GRID2IP: variants seen among roughly 807,000 people sequenced by gnomAD.
GRID2IP encodes the protein Grid2 interacting protein, also known as delphilin.
In GRID2IP, 78 loss-of-function variants were observed where a neutral mutation model predicts 114.3. The observed-to-expected ratio is 0.68, with a 90% confidence interval of 0.57 to 0.82. GRID2IP has a LOEUF of 0.82. Among genes scored for constraint, GRID2IP ranks in the 40% least tolerant of loss-of-function variants. GRID2IP has a pLI of 0.00. For missense variants in GRID2IP, 1,727 were observed against 1,678.5 expected, an observed-to-expected ratio of 1.03 and a Z score of -0.51; for synonymous variants, 809 against 724.0, an observed-to-expected ratio of 1.12 and a Z score of -1.89.
Position 6,532,671 on chromosome 7 carries a change from T to C in GRID2IP, c.585-5902A>G, listed in dbSNP as rs1286714732. Among the ~76,000 whole-genome samples the C allele has an allele frequency of 6.6e-6, 1 of 152,224 alleles. No individual in the cohort carries two copies. The highest frequency in any genetic ancestry group is 1.5e-5 in the Non-Finnish European group (1 of 68,044). On this transcript the variant is annotated intron_variant, in intron 2 of 21. Coordinates refer to ENST00000457091, the MANE Select transcript of GRID2IP (RefSeq NM_001145118.2). This position sits in a 1 kb window ranked among gnomAD's most constrained non-coding sequence, Gnocchi z 4.4. ...GCCTCCCAGCCAGCACAGCTCTCTG[T>C]CGTCTGTGGGGCCCCAGCCATCCCA...
chr7:6,542,354 G>A (rs1379118698), intron 1 of GRID2IP, among the ~76,000 whole-genome samples: 2 of 151,834 alleles, frequency 1.3e-5, no homozygotes, highest in Admixed American at 6.6e-5. Flanking sequence ...AAGTAGGTGG[G>A]AGGCAAGATC....
At chr7:6,542,036 T>A (rs939713409) in intron 1 of GRID2IP, among the ~76,000 whole-genome samples, 3 of 152,126 alleles carry the variant, frequency 2.0e-5, no homozygotes, top group African/African-American at 7.2e-5. Flanking sequence ...GCGCGGTGGC[T>A]CACACCTGTA....
chr7:6,497,769 C>T lies in GRID2IP; in HGVS notation c.*5G>A. 2 of 1,548,274 alleles carry T rather than the reference C, an allele frequency of 1.3e-6. No individual in the cohort carries two copies. Among genetic ancestry groups the T allele is most frequent in the Admixed American group, 3.9e-5 (2 of 50,910 alleles). On this transcript the variant is annotated 3_prime_UTR_variant, in exon 22 of 22. Coordinates refer to ENST00000457091, the MANE Select transcript of GRID2IP (RefSeq NM_001145118.2). ...CAGGCCGCAGAGGACGCGGTGTGGC[C>T]ACTGTCACCAGGCCAGGGGTGAAAC...
intron 2 of GRID2IP, among the ~76,000 whole-genome samples, chr7:6,537,370 CTTT>C (rs772469574): frequency 0.018 from 1,073 of 58,356 alleles, 2 homozygotes; most frequent in Middle Eastern, 0.048. Context: ...ATGGTGAGAC[CTTT>C]TTTTTTTTTT....
chr7:6,546,467 GC>G (rs1185880484), intron 1 of GRID2IP, among the ~76,000 whole-genome samples: 2 of 151,500 alleles, frequency 1.3e-5, no homozygotes, highest in African/African-American at 4.8e-5. Flanking sequence ...TTCTTGGGAG[GC>G]TGAGGCAGGA....
rs1779364521 is a variant in GRID2IP at position 6,519,020 on chromosome 7, G to A, written c.1268+1558C>T. ...TGCAATCTCTGCCTCCTGGGTTCAA[G>A]TGATTCTCCTGCCTCAGCCTCCCAA... On this transcript the variant is annotated intron_variant, in intron 7 of 21. Coordinates refer to ENST00000457091, the MANE Select transcript of GRID2IP (RefSeq NM_001145118.2). The surrounding 1 kb of genome is among the most constrained non-coding windows in gnomAD (Gnocchi z 4.1). Among the ~76,000 whole-genome samples the A allele has an allele frequency of 6.6e-6, 1 of 151,946 alleles. No individual in the cohort carries two copies. Among genetic ancestry groups the A allele is most frequent in the South Asian group, 2.1e-4 (1 of 4,818 alleles).
In GRID2IP at chr7:6,551,121, G is replaced by T; in HGVS notation, c.316C>A (p.Arg106=). 7.7e-7 allele frequency: 1 copy of T among 1,298,626 alleles called. No homozygotes were observed. Among genetic ancestry groups the T allele is most frequent in the Non-Finnish European group, 9.7e-7 (1 of 1,027,546 alleles). 80.4% of individuals were successfully genotyped at this position (1,298,626 alleles called of 1,614,324 possible). The change falls in exon 1 of 22, where the codon CGG becomes AGG. Residue 106 remains arginine (R), a synonymous_variant. Transcript: ENST00000457091. ...AAPTTVLRAP[R]CGRGLALGRE... ...CCCAGAGCTAGGCCGCGGCCGCACC[G>T]CGGGGCCCGCAAGACTGTGGTCGGG...
Position 6,503,610 on chromosome 7 carries a change from C to A in GRID2IP, c.2788G>T (p.Glu930Ter). ...VLMSMEPRRL[E>*]PAHLAQLLLF... Reference sequence around the variant, plus strand: ...AGCAGCTGCGCGAGATGTGCGGGCTCCAGGCGCCGGGGCTCCATGCTCATC... The same window carrying A: ...AGCAGCTGCGCGAGATGTGCGGGCTACAGGCGCCGGGGCTCCATGCTCATC... The change falls in exon 16 of 22, where the codon GAG becomes TAG. Residue 930 changes from glutamate (E) to a stop codon, truncating the protein, a stop_gained. Transcript: ENST00000457091. LOFTEE classifies it high-confidence loss of function. 3 of 1,529,130 alleles carry A rather than the reference C, an allele frequency of 2.0e-6. No homozygotes were observed. The allele number at this position is 1,529,130 out of a possible 1,614,324, so 94.7% of individuals were successfully genotyped here. A position where few individuals can be genotyped will look rare whatever the true frequency, so the allele number is the denominator to read the frequency against.
In GRID2IP at chr7:6,526,845, C is replaced by T; in HGVS notation, c.585-76G>A. On this transcript the variant is annotated intron_variant, in intron 2 of 21. Transcript: ENST00000457091. The surrounding 1 kb of genome is among the most constrained non-coding windows in gnomAD (Gnocchi z 7.6). ...TGCAAACCGCGGCCCGAAGGCGCGT[C>T]CTCGCGGGCGCCGCCCTAGGCTCTC... is the stretch of plus-strand genomic sequence containing the variant. The T allele has an allele frequency of 1.4e-6, 2 of 1,381,202 alleles. No homozygotes were observed. The highest frequency in any genetic ancestry group is 1.9e-6 in the Non-Finnish European group (2 of 1,065,836). The allele number at this position is 1,381,202 out of a possible 1,614,324, so 85.6% of individuals were successfully genotyped here. A position where few individuals can be genotyped will look rare whatever the true frequency, so the allele number is the denominator to read the frequency against.
chr7:6,525,542 C>G (rs1779492877), intron 4 of GRID2IP, among the ~76,000 whole-genome samples: 1 of 151,884 alleles, frequency 6.6e-6, no homozygotes, highest in Non-Finnish European at 1.5e-5. Context: ...TCTGGAGGCT[C>G]AGCTACACTT....
Position 6,551,179 on chromosome 7 carries a change from G to C in GRID2IP, c.258C>G (p.Asp86Glu), listed in dbSNP as rs1298141374. 1.5e-6 allele frequency: 2 copies of C among 1,378,046 alleles called. No individual in the cohort carries two copies. The highest frequency in any genetic ancestry group is 1.9e-6 in the Non-Finnish European group (2 of 1,074,878). 85.4% of individuals were successfully genotyped at this position (1,378,046 alleles called of 1,614,324 possible). A position where few individuals can be genotyped will look rare whatever the true frequency, so the allele number is the denominator to read the frequency against. Reference protein sequence around the residue: ...PPSLGVLPAPDGGPGPGSGPA... With the variant: ...PPSLGVLPAPEGGPGPGSGPA... ...GGCCGGATCCTGGGCCGGGGCCACC[G>C]TCGGGAGCCGGGAGCACGCCCAGAC... Residue 86 changes from aspartate to glutamate, a missense_variant, in exon 1 of 22, where the codon GAC becomes GAG. Physicochemically the swap from Asp to Glu is conservative, Grantham distance 45. Transcript: ENST00000457091.
In GRID2IP at chr7:6,497,574, C is replaced by G; in HGVS notation, c.*200G>C. 1 of 516,922 alleles carries G rather than the reference C, an allele frequency of 1.9e-6. No individual in the cohort carries two copies. Among genetic ancestry groups the G allele is most frequent in the Non-Finnish European group, 3.4e-6 (1 of 290,648 alleles). 32.0% of individuals were successfully genotyped at this position (516,922 alleles called of 1,614,324 possible). On this transcript the variant is annotated 3_prime_UTR_variant, in exon 22 of 22. Coordinates refer to ENST00000457091, the MANE Select transcript of GRID2IP (RefSeq NM_001145118.2). ...CACTCAGCACCTGCTCCTACAGCAT[C>G]TGGCTCTGGGCCTGGGGGTAGGAAC...
At chr7:6,533,138 G>A (rs956757656) in intron 2 of GRID2IP, among the ~76,000 whole-genome samples, 1 of 152,126 alleles carries the variant, frequency 6.6e-6, no homozygotes, top group African/African-American at 2.4e-5. Flanking sequence ...TTGTGCTACT[G>A]GCATCTAGGG....
rs373628772 is a variant in GRID2IP, at chr7:6,518,475, C to T, written c.1268+2103G>A. 9.8e-5 allele frequency among the ~76,000 whole-genome samples: 15 copies of T among 152,288 alleles called. No individual in the cohort carries two copies. The East Asian group carries it at 2.1e-3, about 22-fold the overall frequency. The stretch of plus-strand genomic sequence containing the variant: ...AAAATAGGCCGGGTGTCGTGGCTCA[C>T]ACCTGTAATCCCAGCACTTTGGGAG... On this transcript the variant is annotated intron_variant, in intron 7 of 21. Transcript: ENST00000457091.
At chr7:6,549,463 G>T (rs1270045781) in intron 1 of GRID2IP, among the ~76,000 whole-genome samples, 2 of 152,304 alleles carry the variant, frequency 1.3e-5, no homozygotes, top group Non-Finnish European at 2.9e-5. Flanking sequence ...AGCCTGGTTT[G>T]TGCCAAAGTC....
At chr7:6,502,337 A>C (rs1431107183) in intron 18 of GRID2IP, among the ~76,000 whole-genome samples, 3 of 151,742 alleles carry the variant, frequency 2.0e-5, no homozygotes, top group East Asian at 1.9e-4. Context: ...CGATCCTTCC[A>C]CCTCAGTCTC....
intron 2 of GRID2IP, among the ~76,000 whole-genome samples, chr7:6,527,016 AC>A: frequency 6.6e-6 from 1 of 151,980 alleles, no homozygotes; most frequent in East Asian, 2.0e-4. Context: ...GCCCGTTCGG[AC>A]CGTCCTCCAT....
intron 2 of GRID2IP, among the ~76,000 whole-genome samples, chr7:6,535,804 G>A (rs1299726532): frequency 6.6e-6 from 1 of 152,132 alleles, no homozygotes; most frequent in Non-Finnish European, 1.5e-5. Flanking sequence ...GTTCACAGCT[G>A]GGGGCTGTTG....
intron 20 of GRID2IP, among the ~76,000 whole-genome samples, chr7:6,498,632 T>C (rs1271511006): frequency 1.4e-5 from 2 of 138,302 alleles, no homozygotes; most frequent in Non-Finnish European, 3.0e-5. Flanking sequence ...CAGCCTGGAG[T>C]GCAGTGGTGT....
Sources: gnomAD v4.1 joint callset for allele counts (sites outside exome capture counted in the v4.1 genomes callset) on GRCh38, gnomAD v4.1.1 for gene constraint, Gnocchi (gnomAD v3.1) non-coding constraint, MANE v1.5 for transcripts, NCBI Gene and HGNC (gene_info 2026-07-23, HGNC 2026-07-21) for gene names.